The following DST variants were observed in gnomAD, a reference collection of about 807,000 sequenced individuals.
DST encodes bullous pemphigoid antigen.
A neutral mutation model predicts 875.2 loss-of-function variants in DST; 253 were observed. The ratio of observed to expected loss-of-function variants is 0.29; its 90% CI spans 0.26 to 0.32. The LOEUF (loss-of-function observed/expected upper bound fraction) is 0.32. Among genes scored for constraint, DST ranks in the 10% least tolerant of loss-of-function variants. The probability of loss-of-function intolerance (pLI) is 1.00; values close to 1 mark genes in which losing one functional copy is unlikely to be tolerated. For synonymous variants in DST, 3,124 were observed against 3,197.1 expected, an observed-to-expected ratio of 0.98 and a Z score of 0.77; for missense variants, 8,287 against 9,111.6, an observed-to-expected ratio of 0.91 and a Z score of 3.68.
chr6:56,731,026 T>C (rs530269966), intron 5 of DST, among the ~76,000 whole-genome samples: 1 of 152,326 alleles, frequency 6.6e-6, no homozygotes, highest in South Asian at 2.1e-4. Context: ...TTAACTTTTT[T>C]CTGGAGAAAA....
At chr6:56,653,813 G>A (rs2098989372) in intron 10 of DST, among the ~76,000 whole-genome samples, 1 of 152,134 alleles carries the variant, frequency 6.6e-6, no homozygotes, top group Non-Finnish European at 1.5e-5. Context: ...TCCTCTACCT[G>A]CCTGAAGCAT....
chr6:56,588,939 A>G (rs2098216987), intron 49 of DST, among the ~76,000 whole-genome samples: 3 of 152,172 alleles, frequency 2.0e-5, no homozygotes, highest in Non-Finnish European at 4.4e-5. Context: ...GTAAAAAAAA[A>G]TCCCTCAAGA....
Position 56,628,156 on chromosome 6 carries a change from C to G in DST, c.4481G>C (p.Arg1494Pro). Residue 1494 changes from arginine (R) to proline (P), a missense_variant, in exon 33 of 104, where the codon CGG (arginine) becomes CCG (proline). Transcript: ENST00000680361. Reference sequence around the variant, plus strand: ...TGATTTGCCAATGCCCTCTAAGTCCCGTAACCTAAGAGAATAGTAACCGAA... The same window carrying G: ...TGATTTGCCAATGCCCTCTAAGTCCGGTAACCTAAGAGAATAGTAACCGAA... ...NVHVQIDNRL[R>P]DLEGIGKSLK... 1 of 1,613,102 alleles carries G rather than the reference C, an allele frequency of 6.2e-7. No homozygotes were observed. Among genetic ancestry groups the G allele is most frequent in the Non-Finnish European group, 8.5e-7 (1 of 1,179,212 alleles).
chr6:56,546,772 T>G (rs1174347526), intron 61 of DST, among the ~76,000 whole-genome samples: 1 of 152,164 alleles, frequency 6.6e-6, no homozygotes, highest in Non-Finnish European at 1.5e-5. Flanking sequence ...AATTCTTCTC[T>G]GTCTCTCTCT....
At chr6:56,863,797 G>A (rs1252832431) in intron 3 of DST, 1 of 152,196 alleles carries the variant, frequency 6.6e-6, no homozygotes, top group Admixed American at 6.5e-5. Context: ...ATGACTATAT[G>A]TTCCTTTGTG....
chr6:56,832,553 C>G (rs902840181), intron 4 of DST, among the ~76,000 whole-genome samples: 1 of 151,298 alleles, frequency 6.6e-6, no homozygotes, highest in Non-Finnish European at 1.5e-5. Context: ...ATTGCCCAGT[C>G]TCTGGTATGT....
intron 73 of DST, among the ~76,000 whole-genome samples, chr6:56,510,312 C>T (rs532011970): frequency 6.6e-6 from 1 of 152,096 alleles, no homozygotes; most frequent in South Asian, 2.1e-4. Flanking sequence ...TTATGGCATC[C>T]TGAAAAGTTA....
intron 2 of DST, among the ~76,000 whole-genome samples, chr6:56,931,450 T>C (rs996725166): frequency 1.3e-5 from 2 of 152,146 alleles, no homozygotes; most frequent in Non-Finnish European, 2.9e-5. Flanking sequence ...AGCCCCCACA[T>C]AGAGTCCCTA....
intron 13 of DST, 111 bp downstream of exon 13, chr6:56,648,459 G>C: frequency 1.9e-6 from 2 of 1,046,894 alleles, no homozygotes; most frequent in Non-Finnish European, 2.6e-6. Flanking sequence ...ACTTATTAAT[G>C]GCTTTCCAAG....
intron 5 of DST, among the ~76,000 whole-genome samples, chr6:56,707,065 G>C (rs896146430): frequency 6.6e-6 from 1 of 152,028 alleles, no homozygotes; most frequent in African/African-American, 2.4e-5. Flanking sequence ...CGCCATCACT[G>C]ATCTGACAGG....
At chr6:56,777,447 C>A (rs2099681362) in intron 4 of DST, among the ~76,000 whole-genome samples, 1 of 152,008 alleles carries the variant, frequency 6.6e-6, no homozygotes, top group Admixed American at 6.6e-5. Flanking sequence ...CAGTCACAGG[C>A]AATGCAGTGT....
intron 3 of DST, among the ~76,000 whole-genome samples, chr6:56,896,804 T>C (rs2127680089): frequency 6.6e-6 from 1 of 152,352 alleles, no homozygotes; most frequent in East Asian, 1.9e-4. Context: ...CACTTTCTGA[T>C]GGGACTGTTT....
chr6:56,471,242 A>G lies in DST; in HGVS notation c.22185T>C (p.Phe7395=). 1.9e-6 allele frequency: 3 copies of G among 1,592,572 alleles called. No individual in the cohort carries two copies. Among genetic ancestry groups the G allele is most frequent in the Admixed American group, 3.5e-5 (2 of 56,676 alleles). ...GCATGTATTTTTTGCGCCAGATATC[A>G]AAATCAAAGTTAGCAAATTCCCTCA... ...EELREFANFD[F]DIWRKKYMRW... is the part of the protein sequence containing the mutation. Residue 7395 remains phenylalanine (F), a synonymous_variant, in exon 95 of 104, where the codon TTT becomes TTC. Transcript: ENST00000680361.
rs754419587 is a variant in DST, at chr6:56,569,932, T to C, written c.13802A>G (p.Glu4601Gly). ...LVKSLKSWIK[E>G]TTKKVPIVQP... ...TACAATGGGAACTTTTTTTGTTGTT[T>C]CTTTTATCCATGACTTCAATGATTT... The change falls in exon 54 of 104, where the codon GAA (glutamate) becomes GGA (glycine). Residue 4601 changes from glutamate to glycine, a missense_variant. By Grantham distance (98) the Glu-to-Gly change is moderately conservative (BLOSUM62 -2). Transcript: ENST00000680361. 6 of 1,611,694 alleles carry C rather than the reference T, an allele frequency of 3.7e-6. No homozygotes were observed. In the South Asian group the frequency reaches 6.7e-5, roughly 18 times the overall value.
intron 2 of DST, among the ~76,000 whole-genome samples, chr6:56,931,346 A>C (rs1177362826): frequency 6.6e-5 from 10 of 152,182 alleles, no homozygotes; most frequent in Non-Finnish European, 2.9e-5. Flanking sequence ...GATGTATGGA[A>C]ATGCCTGGAT....
At chr6:56,473,444 T>C (rs145974201) in intron 93 of DST, among the ~76,000 whole-genome samples, 1 of 152,306 alleles carries the variant, frequency 6.6e-6, no homozygotes, top group African/African-American at 2.4e-5. Context: ...TGAAGTCACA[T>C]GAACATGGGC....
In DST at chr6:56,940,191, T is replaced by TACAC. The variant is rs59001581; in HGVS notation, c.216+13590_216+13593dup. Among the ~76,000 whole-genome samples the TACAC allele has an allele frequency of 1.6e-3, 232 of 142,298 alleles. 1 individual carries two copies. Among genetic ancestry groups the TACAC allele is most frequent in the African/African-American group, 5.0e-3 (191 of 38,242 alleles). 93.4% of individuals were successfully genotyped at this position (142,298 alleles called of 152,430 possible). Reference sequence around the variant, plus strand: ...TAAAATAAATTCCACATTACCCCCATACACACACACACACACACACACACA... The same window carrying TACAC: ...TAAAATAAATTCCACATTACCCCCATACACACACACACACACACACACACACACA... On this transcript the variant is annotated intron_variant, in intron 2 of 103. Transcript: ENST00000680361.
At chr6:56,506,812 T>A in intron 75 of DST, 23 bp from the exon 76 acceptor site, 3 of 1,593,278 alleles carry the variant, frequency 1.9e-6, no homozygotes, top group Non-Finnish European at 2.6e-6. Context: ...AATGACAGCC[T>A]TAGAATTTTA....
chr6:56,723,668 A>G (rs1173055180), intron 5 of DST, among the ~76,000 whole-genome samples: 2 of 152,244 alleles, frequency 1.3e-5, no homozygotes, highest in Non-Finnish European at 2.9e-5. Context: ...TACAATATTA[A>G]TTAAATTTGC....
Sources: gnomAD v4.1 joint callset for allele counts (sites outside exome capture counted in the v4.1 genomes callset) on GRCh38, gnomAD v4.1.1 for gene constraint, MANE v1.5 for transcripts, NCBI Gene and HGNC (gene_info 2026-07-23, HGNC 2026-07-21) for gene names.